The following NUMBL variants were observed in gnomAD, a reference collection of about 807,000 sequenced individuals.
NUMBL encodes NUMB like endocytic adaptor protein.
In NUMBL, 20 loss-of-function variants were observed where a neutral mutation model predicts 48.9. The ratio of observed to expected loss-of-function variants is 0.41; its 90% CI spans 0.29 to 0.59. NUMBL has a LOEUF of 0.59. NUMBL is among the 20% of genes least tolerant of loss of function. The probability of loss-of-function intolerance (pLI) is 0.31; values close to 1 mark genes in which losing one functional copy is unlikely to be tolerated. For synonymous variants in NUMBL, 340 were observed against 348.7 expected, an observed-to-expected ratio of 0.98 and a Z score of 0.28; for missense variants, 660 against 846.2, an observed-to-expected ratio of 0.78 and a Z score of 2.73.
chr19:40,667,416 A>C lies in NUMBL; in HGVS notation c.*52T>G. 6.3e-7 allele frequency: 1 copy of C among 1,577,436 alleles called. No individual in the cohort carries two copies. The highest frequency in any genetic ancestry group is 8.6e-7 in the Non-Finnish European group (1 of 1,163,330). On this transcript the variant is annotated 3_prime_UTR_variant, in exon 10 of 10. Coordinates refer to ENST00000252891, the MANE Select transcript of NUMBL (RefSeq NM_004756.5). This position sits in a 1 kb window ranked among gnomAD's most constrained non-coding sequence, Gnocchi z 6.1. ...GGGTTAGGGGAGAGGTTGTGCCTCC[A>C]CCCCCAGGCGTGGGGCACCTGGAGA...
rs779291267 is a variant in NUMBL at position 40,667,598 on chromosome 19, G to A, written c.1700C>T (p.Ala567Val). 1.4e-5 allele frequency: 22 copies of A among 1,554,734 alleles called. No homozygotes were observed. The highest frequency in any genetic ancestry group is 3.4e-4 in the Middle Eastern group (2 of 5,888). Reference sequence around the variant, plus strand: ...GTCCAACTCTGGAGCTGGGGCAGGCGCTGGCTCAGGGGGCCAGGGGGCCCC... The same window carrying A: ...GTCCAACTCTGGAGCTGGGGCAGGCACTGGCTCAGGGGGCCAGGGGGCCCC... ...PNGAPWPPEP[A>V]PAPAPELDPF... Residue 567 changes from alanine (A) to valine (V), a missense_variant, in exon 10 of 10, where the codon GCG becomes GTG. Physicochemically the swap from Ala to Val is moderately conservative, Grantham distance 64. This residue lies in a region of NUMBL where 296 missense variants were observed against 339.7 expected (regional missense o/e 0.87). Transcript: ENST00000252891. The surrounding 1 kb of genome is among the most constrained non-coding windows in gnomAD (Gnocchi z 6.1).
At chr19:40,677,118 G>C in intron 7 of NUMBL, 114 bp downstream of exon 7, 1 of 1,163,966 alleles carries the variant, frequency 8.6e-7, no homozygotes, top group South Asian at 1.5e-5. Flanking sequence ...TTGGCCTGAA[G>C]CATCCCCTAC....
rs560506274 is a variant in NUMBL, at chr19:40,686,551, T to A, written c.109+360A>T. ...TGTGAATCTGGGTGTTGTCTAGGAATGTGTGTGTGTGTATATATGTGTGTA... is the reference window on the plus strand; with the variant it reads ...TGTGAATCTGGGTGTTGTCTAGGAAAGTGTGTGTGTGTATATATGTGTGTA... On this transcript the variant is annotated intron_variant, in intron 2 of 9. Coordinates refer to ENST00000252891, the MANE Select transcript of NUMBL (RefSeq NM_004756.5). Among the ~76,000 whole-genome samples, 32 of 16,488 alleles carry A rather than the reference T, an allele frequency of 1.9e-3. No homozygotes were observed. In the East Asian group the frequency reaches 0.026, roughly 14 times the overall value. The allele number at this position is 16,488 out of a possible 152,430, so 10.8% of individuals were successfully genotyped here.
Position 40,682,690 on chromosome 19 carries a change from G to C in NUMBL, c.399+38C>G, listed in dbSNP as rs756217416. On this transcript the variant is annotated intron_variant, in intron 5 of 9. Coordinates refer to ENST00000252891, the MANE Select transcript of NUMBL (RefSeq NM_004756.5). The surrounding 1 kb of genome is among the most constrained non-coding windows in gnomAD (Gnocchi z 4.0). ...CGCCCTGATTCCAGCAGGGTGAGCAGACAGGCCCCCTGGCGTCCACCCCCA... is the reference window on the plus strand; with the variant it reads ...CGCCCTGATTCCAGCAGGGTGAGCACACAGGCCCCCTGGCGTCCACCCCCA... 1 of 1,600,698 alleles carries C rather than the reference G, an allele frequency of 6.2e-7. No homozygotes were observed. Among genetic ancestry groups the C allele is most frequent in the Non-Finnish European group, 8.5e-7 (1 of 1,170,012 alleles).
chr19:40,682,990 G>GGC lies in NUMBL; in HGVS notation c.250-23_250-22insGC. 1.9e-6 allele frequency: 3 copies of GGC among 1,609,142 alleles called. No individual in the cohort carries two copies. The highest frequency in any genetic ancestry group is 2.6e-6 in the Non-Finnish European group (3 of 1,175,918). On this transcript the variant is annotated intron_variant, in intron 3 of 9. Coordinates refer to ENST00000252891, the MANE Select transcript of NUMBL (RefSeq NM_004756.5). The surrounding 1 kb of genome is among the most constrained non-coding windows in gnomAD (Gnocchi z 4.0). Reference sequence around the variant, plus strand: ...GGTACTTGGGTTGGAGGGAATGGGGGGGGGGACATGAAACAGCACAGTAAT... The same window carrying GGC: ...GGTACTTGGGTTGGAGGGAATGGGGGGCGGGGGACATGAAACAGCACAGTAAT...
At position 40,673,413 on chromosome 19, in the gene NUMBL, G is replaced by A. The variant is rs1599904007; in HGVS notation, c.967C>T (p.Leu323=). 6.2e-7 allele frequency: 1 copy of A among 1,613,358 alleles called. No homozygotes were observed. The change falls in exon 8 of 10, where the codon CTG becomes TTG. Residue 323 remains leucine, a synonymous_variant. Transcript: ENST00000252891. The surrounding 1 kb of genome is among the most constrained non-coding windows in gnomAD (Gnocchi z 5.9). ...SQKNSPFKRQ[L]SLRLNELPST... The stretch of plus-strand genomic sequence containing the variant: ...GGCAGCTCATTCAGCCGTAGGCTCA[G>A]CTGCCGTTTGAAAGGCGAGTTCTTC...
chr19:40,686,812 G>T, intron 2 of NUMBL, 99 bp downstream of exon 2: 1 of 761,896 alleles, frequency 1.3e-6, no homozygotes, highest in Non-Finnish European at 2.2e-6. Flanking sequence ...ACTCATGAGT[G>T]TGATTAAGCC....
Position 40,687,795 on chromosome 19 carries a change from TCCA to T in NUMBL, c.25-803_25-801del, listed in dbSNP as rs1413602893. 5.3e-5 allele frequency among the ~76,000 whole-genome samples: 8 copies of T among 152,098 alleles called. No homozygotes were observed. On this transcript the variant is annotated intron_variant, in intron 1 of 9. Transcript: ENST00000252891. This position sits in a 1 kb window ranked among gnomAD's most constrained non-coding sequence, Gnocchi z 4.6. Reference sequence around the variant, plus strand: ...GCTATATACACTTGTTACACGTATCTCCACTGCTGCACACTGACATCTGGTCAC... The same window carrying T: ...GCTATATACACTTGTTACACGTATCTCTGCTGCACACTGACATCTGGTCAC...
chr19:40,680,181 G>C (rs952173660), intron 6 of NUMBL, among the ~76,000 whole-genome samples: 1 of 151,846 alleles, frequency 6.6e-6, no homozygotes, highest in Non-Finnish European at 1.5e-5. Flanking sequence ...ACCCAGGCTG[G>C]AGTGCAGTGG....
In NUMBL at chr19:40,673,568, G is replaced by A. The variant is rs1357458481; in HGVS notation, c.812C>T (p.Pro271Leu). 3.9e-6 allele frequency: 6 copies of A among 1,547,794 alleles called. No individual in the cohort carries two copies. The highest frequency in any genetic ancestry group is 5.2e-6 in the Non-Finnish European group (6 of 1,144,122). Reference sequence around the variant, plus strand: ...GGTGCCTGCCTCACCCTTCTCACCAGGGGATGTGGTGGCTGGTGTCGGGGA... The same window carrying A: ...GGTGCCTGCCTCACCCTTCTCACCAAGGGATGTGGTGGCTGGTGTCGGGGA... Reference protein sequence around the residue: ...HVSPTPATTSPGEKGEAGTPV... With the variant: ...HVSPTPATTSLGEKGEAGTPV... The change falls in exon 8 of 10, where the codon CCT (proline) becomes CTT (leucine). Residue 271 changes from proline (P) to leucine (L), a missense_variant. Pro to Leu is a moderately conservative substitution (Grantham distance 98). Coordinates refer to ENST00000252891, the MANE Select transcript of NUMBL (RefSeq NM_004756.5). The surrounding 1 kb of genome is among the most constrained non-coding windows in gnomAD (Gnocchi z 5.9).
At position 40,666,012 on chromosome 19, in the gene NUMBL, A is replaced by AC. The variant is rs1353466652; in HGVS notation, c.*1455dup. 2 of 152,246 alleles carry AC rather than the reference A, an allele frequency of 1.3e-5. No homozygotes were observed. The highest frequency in any genetic ancestry group is 2.9e-5 in the Non-Finnish European group (2 of 68,050). 9.4% of individuals were successfully genotyped at this position (152,246 alleles called of 1,614,324 possible). ...AATAGCAAGACTGTAAAACGTTGCC[A>AC]CATCAGGTGACACTTTGGCCAGAGT... On this transcript the variant is annotated 3_prime_UTR_variant, in exon 10 of 10. Transcript: ENST00000252891.
chr19:40,682,854 C>T lies in NUMBL; in HGVS notation c.324+40G>A. ...GCCGGGTCAGGGTGCCTCTCCCTGT[C>T]TGACCTTGCCCCCTCCCTCATGGCA... On this transcript the variant is annotated intron_variant, in intron 4 of 9. Transcript: ENST00000252891. This position sits in a 1 kb window ranked among gnomAD's most constrained non-coding sequence, Gnocchi z 4.0. 6.2e-7 allele frequency: 1 copy of T among 1,614,074 alleles called. No individual in the cohort carries two copies. Among genetic ancestry groups the T allele is most frequent in the South Asian group, 1.1e-5 (1 of 91,082 alleles).
chr19:40,667,831 AGGGGGCTGCATGTGT>A lies in NUMBL; in HGVS notation c.1452_1466del (p.His485_Pro489del). ...CCAAGCCCGGGTAGGCGGGCACAAA[AGGGGGCTGCATGTGT>A]GGGGGTGGCAGGAACACGGCCACTT... is the stretch of plus-strand genomic sequence containing the variant. On this transcript the variant is annotated inframe_deletion, in exon 10 of 10. Coordinates refer to ENST00000252891, the MANE Select transcript of NUMBL (RefSeq NM_004756.5). The surrounding 1 kb of genome is among the most constrained non-coding windows in gnomAD (Gnocchi z 6.1). 1 of 1,590,336 alleles carries A rather than the reference AGGGGGCTGCATGTGT, an allele frequency of 6.3e-7. No individual in the cohort carries two copies.
Position 40,684,435 on chromosome 19 carries a change from C to G in NUMBL, c.231G>C (p.Thr77=), listed in dbSNP as rs376149500. 1.3e-6 allele frequency: 2 copies of G among 1,572,002 alleles called. No homozygotes were observed. Among genetic ancestry groups the G allele is most frequent in the South Asian group, 1.2e-5 (1 of 86,532 alleles). ...QADEDAVRKG[T]CSFPVRYLGH... is the part of the protein sequence containing the mutation. ...CACTCACCCTGACCGGGAAGCTGCA[C>G]GTGCCCTTCCGCACCGCGTCCTCGT... The change falls in exon 3 of 10, where the codon ACG becomes ACC. Residue 77 remains threonine (T), a synonymous_variant. Transcript: ENST00000252891.
Position 40,682,344 on chromosome 19 carries a change from C to T in NUMBL, c.399+384G>A, listed in dbSNP as rs2081909193. On this transcript the variant is annotated intron_variant, in intron 5 of 9. Transcript: ENST00000252891. This position sits in a 1 kb window ranked among gnomAD's most constrained non-coding sequence, Gnocchi z 4.0. Reference sequence around the variant, plus strand: ...TTTCACCATATTGCCAGGCTGGTCTCGAACTCCTGACCTCAGGTAATCTAC... The same window carrying T: ...TTTCACCATATTGCCAGGCTGGTCTTGAACTCCTGACCTCAGGTAATCTAC... Among the ~76,000 whole-genome samples the T allele has an allele frequency of 1.3e-5, 2 of 152,022 alleles. No homozygotes were observed.
chr19:40,677,396 C>A lies in NUMBL; in HGVS notation c.566G>T (p.Gly189Val). ...DSGERLSHAV[G>V]CAFAACLERK... ...CTCCAGGCAGGCGGCAAAAGCACAG[C>A]CCACAGCGTGGCTCAGCCTCTCGCC... Residue 189 changes from glycine (G) to valine (V), a missense_variant, in exon 7 of 10, where the codon GGC (glycine) becomes GTC (valine). Gly to Val is a moderately radical substitution (Grantham distance 109). This residue lies in a region of NUMBL where 278 missense variants were observed against 420.6 expected (regional missense o/e 0.66). Transcript: ENST00000252891. The A allele has an allele frequency of 6.2e-7, 1 of 1,610,498 alleles. No homozygotes were observed. The highest frequency in any genetic ancestry group is 8.5e-7 in the Non-Finnish European group (1 of 1,179,894).
chr19:40,674,185 C>A (rs1018885026), intron 7 of NUMBL, among the ~76,000 whole-genome samples: 1 of 152,102 alleles, frequency 6.6e-6, no homozygotes, highest in Non-Finnish European at 1.5e-5. Flanking sequence ...AATGACTGCC[C>A]GCCCTGTCTC....
intron 6 of NUMBL, among the ~76,000 whole-genome samples, chr19:40,679,993 A>G (rs1339259453): frequency 2.0e-5 from 3 of 152,110 alleles, no homozygotes. Context: ...AAAAAAAAAA[A>G]GTTGAACTTG....
chr19:40,689,246 A>T (rs2081949708), intron 1 of NUMBL, among the ~76,000 whole-genome samples: 1 of 152,118 alleles, frequency 6.6e-6, no homozygotes, highest in African/African-American at 2.4e-5. Context: ...ATACAAACAC[A>T]GGGTCACAAA....
Sources: allele counts gnomAD v4.1 joint callset (sites outside exome capture counted in the v4.1 genomes callset), GRCh38; gene constraint gnomAD v4.1.1; regional missense constraint gnomAD v4.1.1; non-coding constraint Gnocchi (gnomAD v3.1); transcripts MANE v1.5; gene names NCBI Gene and HGNC (gene_info 2026-07-23, HGNC 2026-07-21).